AGO2: variants seen among roughly 807,000 people sequenced by gnomAD.
The protein encoded by AGO2 is argonaute RISC catalytic component 2, also known as protein argonaute-2.
In AGO2, 5 loss-of-function variants were observed where a neutral mutation model predicts 102.3. That is an observed-to-expected ratio of 0.05 (90% confidence interval 0.03 to 0.10). The LOEUF (loss-of-function observed/expected upper bound fraction) is 0.10. Ranked by LOEUF, AGO2 falls within the 10% of genes least tolerant of loss-of-function variation. The pLI, the probability that AGO2 is intolerant of heterozygous loss-of-function variation, is 1.00. For synonymous variants in AGO2, 449 were observed against 473.1 expected (o/e 0.95, Z 0.66); for missense variants, 541 against 1,183.7 (o/e 0.46, Z 7.97).
intron 1 of AGO2, among the ~76,000 whole-genome samples, chr8:140,604,123 C>CGAAATGCT (rs1564111872): frequency 6.6e-6 from 1 of 152,194 alleles, no homozygotes; most frequent in Non-Finnish European, 1.5e-5. Flanking sequence ...AGACACAGTA[C>CGAAATGCT]GAAATGCTGC....
chr8:140,539,418 A>G lies in AGO2; in HGVS notation c.2071T>C (p.Cys691Arg). The change falls in exon 16 of 19, where the codon TGT becomes CGT. Residue 691 changes from cysteine (C) to arginine (R), a missense_variant. Cys to Arg is a radical substitution (Grantham distance 180, BLOSUM62 -3). This residue lies in a region of AGO2 where 309 missense variants were observed against 735.1 expected (regional missense o/e 0.42). Coordinates refer to ENST00000220592, the MANE Select transcript of AGO2 (RefSeq NM_012154.5). The surrounding 1 kb of genome is among the most constrained non-coding windows in gnomAD (Gnocchi z 4.7). Reference sequence around the variant, plus strand: ...TGGTAGTCTTTTTCTAGCTTGATACAGGCCTCACGGATGGCCAGCAACTCG... The same window carrying G: ...TGGTAGTCTTTTTCTAGCTTGATACGGGCCTCACGGATGGCCAGCAACTCG... ...HHELLAIREA[C>R]IKLEKDYQPG... The G allele has an allele frequency of 6.2e-7, 1 of 1,614,002 alleles. No individual in the cohort carries two copies. Among genetic ancestry groups the G allele is most frequent in the Non-Finnish European group, 8.5e-7 (1 of 1,179,914 alleles).
At chr8:140,633,104 G>C (rs749979938) in intron 1 of AGO2, among the ~76,000 whole-genome samples, 9 of 151,908 alleles carry the variant, frequency 5.9e-5, no homozygotes, top group Non-Finnish European at 7.4e-5. Context: ...GTAGAGACGG[G>C]GTTTCATGAT....
chr8:140,617,445 G>T lies in AGO2; in HGVS notation c.22+18040C>A, dbSNP rs577338342. 7.9e-5 allele frequency among the ~76,000 whole-genome samples: 12 copies of T among 152,166 alleles called. No homozygotes were observed. In the East Asian group the frequency reaches 2.1e-3, roughly 27 times the overall value. ...TTTTTGTATTTTTAGTAGAGACGGG[G>T]TTTCACCATGTTGGCCAGGCTGGTC... On this transcript the variant is annotated intron_variant, in intron 1 of 18. Transcript: ENST00000220592.
intron 1 of AGO2, among the ~76,000 whole-genome samples, chr8:140,604,591 C>A (rs1034107427): frequency 6.6e-6 from 1 of 152,104 alleles, no homozygotes; most frequent in African/African-American, 2.4e-5. Flanking sequence ...CTTTGTGAGG[C>A]CGAGATGGGT....
chr8:140,608,100 C>T (rs902150805), intron 1 of AGO2, among the ~76,000 whole-genome samples: 4 of 152,090 alleles, frequency 2.6e-5, no homozygotes, highest in Non-Finnish European at 5.9e-5. Context: ...GATCTTTAAC[C>T]GCCACTCCTA....
At position 140,589,806 on chromosome 8, in the gene AGO2, C is replaced by T. The variant is rs992510325; in HGVS notation, c.23-4495G>A. On this transcript the variant is annotated intron_variant, in intron 1 of 18. Coordinates refer to ENST00000220592, the MANE Select transcript of AGO2 (RefSeq NM_012154.5). This position sits in a 1 kb window ranked among gnomAD's most constrained non-coding sequence, Gnocchi z 4.2. Reference sequence around the variant, plus strand: ...CGAGATCCGTGCCATCAGCACGAGCCGCAGAACAGGACGGAGTGATGGCTC... The same window carrying T: ...CGAGATCCGTGCCATCAGCACGAGCTGCAGAACAGGACGGAGTGATGGCTC... Among the ~76,000 whole-genome samples, 2 of 152,020 alleles carry T rather than the reference C, an allele frequency of 1.3e-5. No individual in the cohort carries two copies. Among genetic ancestry groups the T allele is most frequent in the African/African-American group, 4.8e-5 (2 of 41,388 alleles).
At chr8:140,578,524 G>A (rs1428595811) in intron 2 of AGO2, among the ~76,000 whole-genome samples, 2 of 152,200 alleles carry the variant, frequency 1.3e-5, no homozygotes, top group Non-Finnish European at 2.9e-5. Context: ...TCGAGCCGGC[G>A]CAGGCACTGG....
At chr8:140,606,056 T>C (rs2073994187) in intron 1 of AGO2, among the ~76,000 whole-genome samples, 1 of 152,256 alleles carries the variant, frequency 6.6e-6, no homozygotes, top group South Asian at 2.1e-4. Context: ...TTCGTAATTA[T>C]AAATCAATCA....
intron 13 of AGO2, among the ~76,000 whole-genome samples, chr8:140,544,944 G>A (rs951163276): frequency 9.9e-5 from 15 of 152,186 alleles, no homozygotes; most frequent in Non-Finnish European, 2.2e-4. Context: ...GGGGAAAGGC[G>A]GAGGTGGTGA....
At chr8:140,587,665 G>C (rs1406020174) in intron 1 of AGO2, among the ~76,000 whole-genome samples, 5 of 152,248 alleles carry the variant, frequency 3.3e-5, no homozygotes, top group African/African-American at 4.8e-5. Context: ...GTGAGCCCCT[G>C]GCCCCGACAG....
At chr8:140,586,865 C>T (rs1268433931) in intron 1 of AGO2, among the ~76,000 whole-genome samples, 2 of 152,152 alleles carry the variant, frequency 1.3e-5, no homozygotes, top group Non-Finnish European at 2.9e-5. Flanking sequence ...ATCTCGATTT[C>T]AGGGTCGGGC....
chr8:140,597,696 G>C (rs1162767090), intron 1 of AGO2, among the ~76,000 whole-genome samples: 1 of 139,464 alleles, frequency 7.2e-6, no homozygotes, highest in Non-Finnish European at 1.6e-5. Flanking sequence ...AAGGAATCAA[G>C]AAAAAAAAAA....
chr8:140,568,757 A>G (rs2073332792), intron 3 of AGO2, among the ~76,000 whole-genome samples: 2 of 152,204 alleles, frequency 1.3e-5, no homozygotes, highest in Non-Finnish European at 2.9e-5. Context: ...TCATGTCTGC[A>G]AAGTGTAGTG....
chr8:140,622,050 C>T (rs555053549), intron 1 of AGO2, among the ~76,000 whole-genome samples: 10 of 152,284 alleles, frequency 6.6e-5, no homozygotes, highest in Middle Eastern at 3.4e-3. Context: ...TCCATACACT[C>T]GGATACTTGA....
chr8:140,621,490 C>A (rs1163701311), intron 1 of AGO2, among the ~76,000 whole-genome samples: 1 of 152,216 alleles, frequency 6.6e-6, no homozygotes, highest in Admixed American at 6.5e-5. Flanking sequence ...CAGCACATAG[C>A]TGTCACTCAA....
chr8:140,616,512 C>CACA (rs34855667), intron 1 of AGO2, among the ~76,000 whole-genome samples: 1 of 152,258 alleles, frequency 6.6e-6, no homozygotes, highest in African/African-American at 2.4e-5. Flanking sequence ...AACAATTGCT[C>CACA]ATAACTAAAT....
intron 17 of AGO2, among the ~76,000 whole-genome samples, chr8:140,533,017 C>G (rs1420459826): frequency 1.4e-5 from 2 of 139,788 alleles, no homozygotes; most frequent in African/African-American, 5.4e-5. Context: ...AAAAAAAAAG[C>G]ATCATAACTA....
intron 1 of AGO2, among the ~76,000 whole-genome samples, chr8:140,594,825 CTGTGTGTGTG>C (rs56012516): frequency 5.5e-5 from 8 of 146,126 alleles, no homozygotes; most frequent in South Asian, 2.2e-4. Flanking sequence ...AAGAAAAAAA[CTGTGTGTGTG>C]TGTGTGTGTG....
chr8:140,550,584 T>A (rs1588448047), intron 11 of AGO2, among the ~76,000 whole-genome samples: 1 of 152,156 alleles, frequency 6.6e-6, no homozygotes, highest in Admixed American at 6.5e-5. Context: ...AAGATAACAC[T>A]CCCAGCCTCT....
Sources: gnomAD v4.1 joint callset for allele counts (sites outside exome capture counted in the v4.1 genomes callset) on GRCh38, gnomAD v4.1.1 for gene constraint, gnomAD v4.1.1 regional missense constraint, Gnocchi (gnomAD v3.1) non-coding constraint, MANE v1.5 for transcripts, NCBI Gene and HGNC (gene_info 2026-07-23, HGNC 2026-07-21) for gene names.